The following CCT6A variants were observed in gnomAD, a reference collection of about 807,000 sequenced individuals.
CCT6A encodes the protein chaperonin containing TCP1 subunit 6A, also known as T-complex protein 1 subunit zeta.
Under a neutral mutation model 58.6 loss-of-function variants are expected in CCT6A, and 6 were observed. The observed-to-expected ratio is 0.10, with a 90% confidence interval of 0.06 to 0.20. The LOEUF (loss-of-function observed/expected upper bound fraction) is 0.20. CCT6A is among the 10% of genes least tolerant of loss of function. The pLI is 1.00. For missense variants in CCT6A, 516 were observed against 648.8 expected, an observed-to-expected ratio of 0.80 and a Z score of 2.22; for synonymous variants, 245 against 227.8, an observed-to-expected ratio of 1.08 and a Z score of -0.68.
intron 3 of CCT6A, 199 bp from the exon 4 acceptor site, chr7:56,055,425 C>A: frequency 1.5e-6 from 1 of 670,792 alleles, no homozygotes. Context: ...TGTGCTAGAG[C>A]ATTCATTACC....
Position 56,058,709 on chromosome 7 carries a change from G to T in CCT6A, c.968+7G>T. 6.7e-7 allele frequency: 1 copy of T among 1,489,146 alleles called. No homozygotes were observed. The highest frequency in any genetic ancestry group is 1.2e-5 in the South Asian group (1 of 84,746). The allele number at this position is 1,489,146 out of a possible 1,614,324, so 92.2% of individuals were successfully genotyped here. ...AAAGGAGAAATATGGAGAGGTATCC[G>T]AGTAATTTGACTTTTACTCATTTTG... On this transcript the variant is annotated splice_region_variant and intron_variant, in intron 8 of 13. Transcript: ENST00000275603.
At chr7:56,055,555 C>A in intron 3 of CCT6A, 69 bp from the exon 4 acceptor site, 2 of 1,316,118 alleles carry the variant, frequency 1.5e-6, no homozygotes, top group Non-Finnish European at 2.2e-6. Context: ...TCAATAATTA[C>A]CTGAACTTTA....
chr7:56,055,383 A>G (rs754094646), intron 3 of CCT6A: 41 of 596,978 alleles, frequency 6.9e-5, no homozygotes, highest in Admixed American at 6.5e-4. Flanking sequence ...TGAACACCCA[A>G]GTGTGCTTTA....
In CCT6A at chr7:56,058,449, TA is replaced by T. The variant is rs1482449902; in HGVS notation, c.820del (p.Ile274Ter). 6.2e-7 allele frequency: 1 copy of T among 1,604,928 alleles called. No homozygotes were observed. Reference protein sequence around the residue: ...AERKFIEDRVKKIIELKRKVC... With the variant: ...AERKFIEDRVXKIIELKRKVC... ...AAAGAAAATTCATTGAAGATAGGGT[TA>T]AAAAAATAATAGAACTGAAAAGGAA... On this transcript the variant is annotated frameshift_variant, in exon 7 of 14. Transcript: ENST00000275603. LOFTEE classifies it high-confidence loss of function.
chr7:56,051,800 C>T lies in CCT6A; in HGVS notation c.-49C>T. 1 of 1,537,814 alleles carries T rather than the reference C, an allele frequency of 6.5e-7. No homozygotes were observed. The highest frequency in any genetic ancestry group is 8.8e-7 in the Non-Finnish European group (1 of 1,141,818). ...GATAGTTCCTCCCGGCCACGCCGCGCCGGCTCTGGGCACTCAGCATCGTTT... is the reference window on the plus strand; with the variant it reads ...GATAGTTCCTCCCGGCCACGCCGCGTCGGCTCTGGGCACTCAGCATCGTTT... On this transcript the variant is annotated 5_prime_UTR_variant, in exon 1 of 14. Transcript: ENST00000275603.
In CCT6A at chr7:56,060,348, A is replaced by C; in HGVS notation, c.1145A>C (p.His382Pro). The change falls in exon 10 of 14, where the codon CAC becomes CCC. Residue 382 changes from histidine (H) to proline (P), a missense_variant. By Grantham distance (77) the His-to-Pro change is moderately conservative (BLOSUM62 -2). Around this residue, in one of 3 missense-constraint regions of CCT6A, gnomAD observed 315 missense variants for 389.4 expected, o/e 0.81. Coordinates refer to ENST00000275603, the MANE Select transcript of CCT6A (RefSeq NM_001762.4). ...TTATTGATCAAAGGACCAAATAAGC[A>C]CACACTCACTCAGATCAAAGATGCA... ...VTLLIKGPNKHTLTQIKDAVR... is the reference protein window; with the variant it reads ...VTLLIKGPNKPTLTQIKDAVR... 1 of 1,614,046 alleles carries C rather than the reference A, an allele frequency of 6.2e-7. No homozygotes were observed. The highest frequency in any genetic ancestry group is 1.1e-5 in the South Asian group (1 of 91,080).
intron 11 of CCT6A, 79 bp from the exon 12 acceptor site, chr7:56,061,668 C>CTTTTTTTTTTTTTTTTTT (rs71015174): frequency 1.9e-5 from 6 of 312,694 alleles, no homozygotes; most frequent in African/African-American, 3.9e-5. Context: ...TTTCTTTTTT[C>CTTTTTTTTTTTTTTTTTT]TTTTTTTTTT....
At chr7:56,052,113 G>C (rs1344349867) in intron 1 of CCT6A, 128 bp downstream of exon 1, 2 of 816,156 alleles carry the variant, frequency 2.5e-6, no homozygotes, top group African/African-American at 1.8e-5. Flanking sequence ...CGTCCTCCGG[G>C]GTCGGTCCTG....
At position 56,051,813 on chromosome 7, in the gene CCT6A, C is replaced by G. The variant is rs963466545; in HGVS notation, c.-36C>G. On this transcript the variant is annotated 5_prime_UTR_variant, in exon 1 of 14. Transcript: ENST00000275603. ...GGCCACGCCGCGCCGGCTCTGGGCA[C>G]TCAGCATCGTTTCCTTTTCCTCCGC... 1.9e-6 allele frequency: 3 copies of G among 1,546,264 alleles called. No individual in the cohort carries two copies. The highest frequency in any genetic ancestry group is 2.4e-5 in the South Asian group (2 of 84,014).
intron 12 of CCT6A, 157 bp downstream of exon 12, chr7:56,062,006 TG>T (rs1794451132): frequency 2.0e-6 from 1 of 490,054 alleles, no homozygotes. Flanking sequence ...TAATAAAAAA[TG>T]GAATGACTAG....
At position 56,060,396 on chromosome 7, in the gene CCT6A, T is replaced by C. The variant is rs1794407488; in HGVS notation, c.1193T>C (p.Val398Ala). The part of the protein sequence containing the change: ...KDAVRDGLRA[V>A]KNAIDDGCVV... ...GCAGTGAGGGACGGCTTGAGGGCTG[T>C]CAAAAATGCTATTGATGATGGTAAG... Residue 398 changes from valine (V) to alanine (A), a missense_variant, in exon 10 of 14, where the codon GTC becomes GCC. Transcript: ENST00000275603. 1.9e-6 allele frequency: 3 copies of C among 1,614,018 alleles called. No homozygotes were observed. Among genetic ancestry groups the C allele is most frequent in the Admixed American group, 1.7e-5 (1 of 59,996 alleles).
intron 2 of CCT6A, among the ~76,000 whole-genome samples, chr7:56,053,454 T>TTCAGAATTGTTTGGGGG (rs1794234266): frequency 2.0e-5 from 3 of 152,134 alleles, no homozygotes; most frequent in South Asian, 4.1e-4. Context: ...TAAACTTGAC[T>TTCAGAATTGTTTGGGGG]TCAGAATTGT....
intron 2 of CCT6A, 113 bp from the exon 3 acceptor site, chr7:56,054,256 G>C (rs796585428): frequency 1.0e-5 from 8 of 773,740 alleles, no homozygotes; most frequent in African/African-American, 1.0e-4. Context: ...GCCAACATTT[G>C]GGTAGCTTTT....
intron 8 of CCT6A, chr7:56,058,917 C>G (rs1308712420): frequency 2.7e-6 from 1 of 376,776 alleles, no homozygotes; most frequent in East Asian, 4.1e-5. Context: ...CCATTTCTCC[C>G]TCCCCCTTGC....
chr7:56,062,705 A>G lies in CCT6A; in HGVS notation c.1473A>G (p.Glu491=). The change falls in exon 13 of 14, where the codon GAA becomes GAG. Residue 491 remains glutamate, a synonymous_variant. Transcript: ENST00000275603. ...LNTGEPMVAA[E]VGVWDNYCVK... ...TAGGTGAGCCAATGGTGGCAGCAGA[A>G]GTAGGCGTATGGGATAACTATTGTG... The G allele has an allele frequency of 6.2e-7, 1 of 1,614,134 alleles. No individual in the cohort carries two copies.
intron 9 of CCT6A, 128 bp from the exon 10 acceptor site, chr7:56,060,141 A>G (rs1368452994): frequency 2.3e-5 from 16 of 708,690 alleles, no homozygotes; most frequent in Non-Finnish European, 3.6e-5. Flanking sequence ...TCAAAAGGAG[A>G]TAATTTGCTT....
intron 12 of CCT6A, among the ~76,000 whole-genome samples, chr7:56,062,239 A>G (rs1002419113): frequency 3.3e-5 from 5 of 152,224 alleles, no homozygotes; most frequent in Non-Finnish European, 7.3e-5. Flanking sequence ...GGGATGTAGA[A>G]ATCTAGTGAA....
At chr7:56,054,595 G>T (rs1326998159) in intron 3 of CCT6A, 92 bp downstream of exon 3, 1 of 1,265,214 alleles carries the variant, frequency 7.9e-7, no homozygotes, top group East Asian at 2.3e-5. Context: ...AGTAGCTGAG[G>T]TCATACAGTA....
intron 12 of CCT6A, 155 bp from the exon 13 acceptor site, chr7:56,062,528 G>C (rs1225419671): frequency 5.9e-6 from 4 of 683,418 alleles, no homozygotes; most frequent in Non-Finnish European, 1.1e-5. Flanking sequence ...GTGGACGGGG[G>C]TCATGGTTTA....
Sources: gnomAD v4.1 joint callset for allele counts (sites outside exome capture counted in the v4.1 genomes callset) on GRCh38, gnomAD v4.1.1 for gene constraint, gnomAD v4.1.1 regional missense constraint, MANE v1.5 for transcripts, NCBI Gene and HGNC (gene_info 2026-07-23, HGNC 2026-07-21) for gene names.